The following VIPR2 variants were observed in gnomAD, a reference collection of about 807,000 sequenced individuals.
VIPR2 encodes vasoactive intestinal peptide receptor 2.
A neutral mutation model predicts 58.0 loss-of-function variants in VIPR2; 48 were observed. That is an observed-to-expected ratio of 0.83 (90% confidence interval 0.66 to 1.05). The LOEUF (loss-of-function observed/expected upper bound fraction) is 1.05. Ranked by LOEUF, VIPR2 falls within the 50% of genes least tolerant of loss-of-function variation. The probability of loss-of-function intolerance (pLI) is 0.00; values close to 1 mark genes in which losing one functional copy is unlikely to be tolerated. For missense variants in VIPR2, 534 were observed against 558.0 expected (o/e 0.96, Z 0.43); for synonymous variants, 243 against 235.2 (o/e 1.03, Z -0.30).
chr7:159,062,917 A>C (rs933539163), intron 4 of VIPR2, among the ~76,000 whole-genome samples: 1 of 152,160 alleles, frequency 6.6e-6, no homozygotes, highest in Non-Finnish European at 1.5e-5. Flanking sequence ...AGCCAGACAC[A>C]AAAGTTCTCC....
chr7:159,135,364 A>T (rs1034572235), intron 2 of VIPR2, among the ~76,000 whole-genome samples: 2 of 150,752 alleles, frequency 1.3e-5, no homozygotes, highest in Non-Finnish European at 1.5e-5. Flanking sequence ...CCCAGGAGGC[A>T]AAGGTTGCAG....
Position 159,097,948 on chromosome 7 carries a change from C to T in VIPR2, c.357+5809G>A, listed in dbSNP as rs1390020274. 1.3e-5 allele frequency among the ~76,000 whole-genome samples: 2 copies of T among 152,188 alleles called. No homozygotes were observed. Among genetic ancestry groups the T allele is most frequent in the Non-Finnish European group, 2.9e-5 (2 of 68,022 alleles). ...GACTCCAACTGGCACCAGCTGGGAA[C>T]GTGCTGGAAAGGCAGGGTCTCAGCC... On this transcript the variant is annotated intron_variant, in intron 4 of 12. Transcript: ENST00000262178. The surrounding 1 kb of genome is among the most constrained non-coding windows in gnomAD (Gnocchi z 5.3).
At position 159,099,754 on chromosome 7, in the gene VIPR2, C is replaced by T. The variant is rs79314533; in HGVS notation, c.357+4003G>A. ...TGCCTCCAACACACCGGGGATCCCA[C>T]CTGGACCTTGAAATCCCCCCCAGGC... is the stretch of plus-strand genomic sequence containing the variant. On this transcript the variant is annotated intron_variant, in intron 4 of 12. Transcript: ENST00000262178. This position sits in a 1 kb window ranked among gnomAD's most constrained non-coding sequence, Gnocchi z 4.2. 0.11 allele frequency among the ~76,000 whole-genome samples: 16,132 copies of T among 152,044 alleles called. 1,024 individuals are homozygous for T. The highest frequency in any genetic ancestry group is 0.17 in the African/African-American group (7,037 of 41,434).
At chr7:159,057,774 A>G (rs1445483800) in intron 5 of VIPR2, among the ~76,000 whole-genome samples, 1 of 152,096 alleles carries the variant, frequency 6.6e-6, no homozygotes, top group African/African-American at 2.4e-5. Flanking sequence ...TCTACCCCCA[A>G]CCCAAATGAA....
Position 159,116,302 on chromosome 7 carries a change from A to C in VIPR2, c.152-6383T>G, listed in dbSNP as rs1033971148. On this transcript the variant is annotated intron_variant, in intron 2 of 12. Coordinates refer to ENST00000262178, the MANE Select transcript of VIPR2 (RefSeq NM_003382.5). Reference sequence around the variant, plus strand: ...TTCAGGAGATTTGTGCCATAGCCACACATAACCAGGAGCAAATCTTCCTGG... The same window carrying C: ...TTCAGGAGATTTGTGCCATAGCCACCCATAACCAGGAGCAAATCTTCCTGG... Among the ~76,000 whole-genome samples, 6 of 152,358 alleles carry C rather than the reference A, an allele frequency of 3.9e-5. No homozygotes were observed. In the South Asian group the frequency reaches 1.0e-3, roughly 26 times the overall value.
intron 2 of VIPR2, among the ~76,000 whole-genome samples, chr7:159,131,651 T>G (rs1040386213): frequency 2.0e-5 from 3 of 152,242 alleles, no homozygotes; most frequent in Admixed American, 6.5e-5. Context: ...TGTCTGTGAC[T>G]CACATTTTTT....
intron 2 of VIPR2, among the ~76,000 whole-genome samples, chr7:159,125,437 G>C (rs1323460867): frequency 6.6e-6 from 1 of 152,186 alleles, no homozygotes; most frequent in Non-Finnish European, 1.5e-5. Context: ...CTTTAGACTG[G>C]ACCAGTGGGT....
intron 4 of VIPR2, among the ~76,000 whole-genome samples, chr7:159,103,145 C>A (rs948506957): frequency 6.6e-6 from 1 of 152,200 alleles, no homozygotes; most frequent in Non-Finnish European, 1.5e-5. Context: ...AAGATCACAG[C>A]CCTGCAGAAG....
At chr7:159,141,868 C>T (rs1412780326) in intron 2 of VIPR2, among the ~76,000 whole-genome samples, 6 of 152,264 alleles carry the variant, frequency 3.9e-5, no homozygotes, top group Non-Finnish European at 7.3e-5. Flanking sequence ...ATTTATAGGC[C>T]GGGTGCTATC....
In VIPR2 at chr7:159,128,697, C is replaced by G. The variant is rs191229512; in HGVS notation, c.151+13749G>C. 3.7e-4 allele frequency among the ~76,000 whole-genome samples: 57 copies of G among 152,344 alleles called. No homozygotes were observed. The highest frequency in any genetic ancestry group is 1.9e-4 in the Non-Finnish European group (13 of 68,038). On this transcript the variant is annotated intron_variant, in intron 2 of 12. Coordinates refer to ENST00000262178, the MANE Select transcript of VIPR2 (RefSeq NM_003382.5). This position sits in a 1 kb window ranked among gnomAD's most constrained non-coding sequence, Gnocchi z 4.1. ...TGGAGGAACTCGATCAATGAGTTTC[C>G]TCATTTCCAGGAATGCCCTAATTCC...
chr7:159,073,386 C>A (rs571713672), intron 4 of VIPR2, among the ~76,000 whole-genome samples: 1 of 152,232 alleles, frequency 6.6e-6, no homozygotes, highest in African/African-American at 2.4e-5. Flanking sequence ...GAAAAAAATG[C>A]TTATCCCAGT....
chr7:159,143,372 TC>T (rs566267614), intron 1 of VIPR2, among the ~76,000 whole-genome samples: 98 of 126,656 alleles, frequency 7.7e-4, no homozygotes, highest in Non-Finnish European at 1.0e-3. Flanking sequence ...ATCTTCCCCC[TC>T]CCCCACCACC....
chr7:159,103,450 A>G (rs1858421833), intron 4 of VIPR2, among the ~76,000 whole-genome samples: 1 of 152,190 alleles, frequency 6.6e-6, no homozygotes, highest in Non-Finnish European at 1.5e-5. Context: ...GACTCATCTG[A>G]AAAGTAACTT....
intron 2 of VIPR2, among the ~76,000 whole-genome samples, chr7:159,140,070 T>C (rs1289440826): frequency 6.7e-6 from 1 of 149,096 alleles, no homozygotes; most frequent in African/African-American, 2.4e-5. Flanking sequence ...GATTTACGTG[T>C]TTTTTTGTTT....
intron 9 of VIPR2, 133 bp downstream of exon 9, chr7:159,034,448 A>G: frequency 7.9e-7 from 1 of 1,268,658 alleles, no homozygotes. Context: ...ACATGCCTGA[A>G]GAGGTCCTTT....
At chr7:159,080,736 A>C (rs56017213) in intron 4 of VIPR2, among the ~76,000 whole-genome samples, 19,369 of 152,104 alleles carry the variant, frequency 0.13, 1,413 homozygotes, top group East Asian at 0.16. Flanking sequence ...TCAGCCCAAA[A>C]TCTCCTTAAG....
At chr7:159,049,075 G>A (rs931112195) in intron 5 of VIPR2, among the ~76,000 whole-genome samples, 4 of 152,120 alleles carry the variant, frequency 2.6e-5, no homozygotes, top group Non-Finnish European at 4.4e-5. Context: ...TGCCAAGCAC[G>A]CACTCCCATA....
chr7:159,141,726 T>C lies in VIPR2; in HGVS notation c.151+720A>G, dbSNP rs149907747. 3.1e-3 allele frequency among the ~76,000 whole-genome samples: 465 copies of C among 152,372 alleles called. 2 individuals carry two copies. The highest frequency in any genetic ancestry group is 4.5e-3 in the Non-Finnish European group (309 of 68,026). On this transcript the variant is annotated intron_variant, in intron 2 of 12. Transcript: ENST00000262178. The stretch of plus-strand genomic sequence containing the variant: ...CTGTTGCTGCTGGGCAGGGCTATTC[T>C]TGAATAAAGCCCACCATCTGAGGCC...
At chr7:159,088,271 AC>A (rs1175167808) in intron 4 of VIPR2, among the ~76,000 whole-genome samples, 1 of 152,212 alleles carries the variant, frequency 6.6e-6, no homozygotes, top group Non-Finnish European at 1.5e-5. Context: ...ACAGCCACGC[AC>A]CTGCGACAGT....
Sources: allele counts gnomAD v4.1 joint callset (sites outside exome capture counted in the v4.1 genomes callset), GRCh38; gene constraint gnomAD v4.1.1; non-coding constraint Gnocchi (gnomAD v3.1); transcripts MANE v1.5; gene names NCBI Gene and HGNC (gene_info 2026-07-23, HGNC 2026-07-21).